PRDM2: variants seen among roughly 807,000 people sequenced by gnomAD.
The protein encoded by PRDM2 is PR/SET domain 2.
In PRDM2, 30 loss-of-function variants were observed where a neutral mutation model predicts 130.0. The ratio of observed to expected loss-of-function variants is 0.23; its 90% CI spans 0.17 to 0.31. PRDM2 has a LOEUF of 0.31. Among genes scored for constraint, PRDM2 ranks in the 10% least tolerant of loss-of-function variants. The pLI is 1.00. For synonymous variants in PRDM2, 871 were observed against 782.4 expected (o/e 1.11, Z -1.89); for missense variants, 2,011 against 2,108.4 (o/e 0.95, Z 0.90).
intron 8 of PRDM2, among the ~76,000 whole-genome samples, chr1:13,802,544 C>T (rs1341699227): frequency 6.6e-6 from 1 of 152,202 alleles, no homozygotes; most frequent in Non-Finnish European, 1.5e-5. Flanking sequence ...CCAGCAACTC[C>T]AAACCACACA....
intron 2 of PRDM2, 139 bp from the exon 3 acceptor site, chr1:13,730,858 ACAT>A (rs952432309): frequency 1.7e-6 from 1 of 601,042 alleles, no homozygotes; most frequent in African/African-American, 1.9e-5. Context: ...CAAATGCTTG[ACAT>A]CATCGTTTTG....
At chr1:13,776,011 C>T (rs1424569849) in intron 7 of PRDM2, among the ~76,000 whole-genome samples, 1 of 152,204 alleles carries the variant, frequency 6.6e-6, no homozygotes, top group Non-Finnish European at 1.5e-5. Context: ...TGCTTTTCCT[C>T]TTCTGTCCTT....
intron 6 of PRDM2, among the ~76,000 whole-genome samples, chr1:13,750,948 G>A (rs984421353): frequency 3.3e-5 from 5 of 152,206 alleles, no homozygotes; most frequent in African/African-American, 1.2e-4. Flanking sequence ...TTTGTAGGGG[G>A]CTGGAGATGG....
chr1:13,794,284 C>T (rs1644887813), intron 8 of PRDM2, among the ~76,000 whole-genome samples: 1 of 152,154 alleles, frequency 6.6e-6, no homozygotes. Context: ...GTCCCTCATC[C>T]CTCTACTTGC....
At chr1:13,820,343 A>G (rs1318678933) in intron 9 of PRDM2, among the ~76,000 whole-genome samples, 1 of 152,226 alleles carries the variant, frequency 6.6e-6, no homozygotes, top group African/African-American at 2.4e-5. Flanking sequence ...GTTTCTGGCA[A>G]GCCCTGCCTT....
chr1:13,788,206 G>A (rs766715488), intron 8 of PRDM2: 80 of 708,294 alleles, frequency 1.1e-4, no homozygotes, highest in Admixed American at 6.9e-4. Context: ...CCCACCTGGC[G>A]TCTGTTCACT....
At chr1:13,787,158 G>A (rs777836496) in intron 8 of PRDM2, 11 of 984,692 alleles carry the variant, frequency 1.1e-5, no homozygotes, top group African/African-American at 3.5e-5. Context: ...CTGGTGTTGC[G>A]TTTGTATATC....
intron 8 of PRDM2, 42 bp downstream of exon 8, chr1:13,782,873 A>G (rs1315138721): frequency 6.2e-7 from 1 of 1,600,934 alleles, no homozygotes; most frequent in Non-Finnish European, 8.5e-7. Context: ...CGGGAAGGCG[A>G]CAGTATCCTT....
At chr1:13,813,191 T>C (rs990255738) in intron 8 of PRDM2, among the ~76,000 whole-genome samples, 1 of 152,208 alleles carries the variant, frequency 6.6e-6, no homozygotes, top group Non-Finnish European at 1.5e-5. Flanking sequence ...CTTCCCGATT[T>C]GCAGAAGATC....
chr1:13,786,583 C>T lies in PRDM2; in HGVS notation c.5036+3752C>T, dbSNP rs1424728523. ...TGACTAAAAAGTATTGCATGCTCAA[C>T]TTAGGATAAGCACTACGGCAAAGGA... On this transcript the variant is annotated intron_variant, in intron 8 of 9. Transcript: ENST00000311066. 4.4e-6 allele frequency: 7 copies of T among 1,602,376 alleles called. No homozygotes were observed. The Admixed American group carries it at 1.2e-4, about 27-fold the overall frequency.
intron 1 of PRDM2, among the ~76,000 whole-genome samples, chr1:13,709,101 C>T (rs184245966): frequency 6.6e-6 from 1 of 150,568 alleles, no homozygotes; most frequent in Non-Finnish European, 1.5e-5. Flanking sequence ...TTTGTTTAGT[C>T]TAACAAGTGG....
intron 7 of PRDM2, among the ~76,000 whole-genome samples, chr1:13,775,526 G>T (rs556572088): frequency 7.9e-5 from 12 of 152,342 alleles, no homozygotes; most frequent in East Asian, 1.9e-4. Flanking sequence ...ATTAGTCTAG[G>T]GGGAGAGAAG....
intron 7 of PRDM2, among the ~76,000 whole-genome samples, chr1:13,774,861 G>A (rs898955360): frequency 3.9e-5 from 6 of 152,052 alleles, no homozygotes; most frequent in African/African-American, 1.4e-4. Context: ...CCTGTAGTCC[G>A]GGAGGCTGAG....
At chr1:13,788,332 A>G (rs1644782033) in intron 8 of PRDM2, among the ~76,000 whole-genome samples, 2 of 152,220 alleles carry the variant, frequency 1.3e-5, no homozygotes, top group Admixed American at 1.3e-4. Context: ...CACTCGGGTA[A>G]GAGTAAAATA....
In PRDM2 at chr1:13,781,942, G is replaced by T. The variant is rs149866732; in HGVS notation, c.4147G>T (p.Val1383Leu). The change falls in exon 8 of 10, where the codon GTG (valine) becomes TTG (leucine). Residue 1383 changes from valine to leucine, a missense_variant. Physicochemically the swap from Val to Leu is conservative, Grantham distance 32. Coordinates refer to ENST00000311066, the MANE Select transcript of PRDM2 (RefSeq NM_001393986.1). The surrounding 1 kb of genome is among the most constrained non-coding windows in gnomAD (Gnocchi z 6.1). ...ACAAACTGTGCAACCCAAAAATGGC[G>T]TGGTGGTTTTAGATAACTCTGGGAA... ...LKQTVQPKNG[V>L]VVLDNSGKNA... 2 of 1,614,172 alleles carry T rather than the reference G, an allele frequency of 1.2e-6. 1 individual carries two copies. The highest frequency in any genetic ancestry group is 2.2e-5 in the South Asian group (2 of 91,090).
chr1:13,731,095 T>A lies in PRDM2; in HGVS notation c.105T>A (p.Ser35=). The change falls in exon 3 of 10, where the codon TCT becomes TCA. Residue 35 remains serine (S), a synonymous_variant. Transcript: ENST00000311066. ...CGGAGGAAGTGAGGCTTTTCCCTTC[T>A]GCTGTTGACAAGACCCGGATTGGTG... ...GLPEEVRLFP[S]AVDKTRIGVW... 1.2e-6 allele frequency: 2 copies of A among 1,612,690 alleles called. No individual in the cohort carries two copies. The highest frequency in any genetic ancestry group is 1.3e-5 in the African/African-American group (1 of 74,850).
chr1:13,824,233 G>A lies in PRDM2; in HGVS notation c.*1098G>A, dbSNP rs1220630468. On this transcript the variant is annotated 3_prime_UTR_variant, in exon 10 of 10. Transcript: ENST00000311066. ...GCAGACCCCAGGCAAGGATGTCTGAGACCACTTGGGCGCTGTTTTCTCAGC... is the reference window on the plus strand; with the variant it reads ...GCAGACCCCAGGCAAGGATGTCTGAAACCACTTGGGCGCTGTTTTCTCAGC... The A allele has an allele frequency of 1.3e-5, 2 of 152,558 alleles. No individual in the cohort carries two copies. The highest frequency in any genetic ancestry group is 2.9e-5 in the Non-Finnish European group (2 of 68,024). 9.5% of individuals were successfully genotyped at this position (152,558 alleles called of 1,614,324 possible).
At chr1:13,754,699 A>G (rs919129290) in intron 6 of PRDM2, among the ~76,000 whole-genome samples, 1 of 152,240 alleles carries the variant, frequency 6.6e-6, no homozygotes, top group African/African-American at 2.4e-5. Flanking sequence ...GCTGAATGAC[A>G]GAGGCCTGGC....
intron 8 of PRDM2, among the ~76,000 whole-genome samples, chr1:13,785,157 C>T (rs1644708349): frequency 6.6e-6 from 1 of 152,182 alleles, no homozygotes; most frequent in Non-Finnish European, 1.5e-5. Context: ...TTGCATTACA[C>T]TAATAAGGAG....
Sources: allele counts gnomAD v4.1 joint callset (sites outside exome capture counted in the v4.1 genomes callset), GRCh38; gene constraint gnomAD v4.1.1; non-coding constraint Gnocchi (gnomAD v3.1); transcripts MANE v1.5; gene names NCBI Gene and HGNC (gene_info 2026-07-23, HGNC 2026-07-21).